Variants in AKAP19 observed in about 807,000 individuals in gnomAD.
AKAP19 encodes the protein A-kinase anchoring protein 19.
the AKAP19 span, chr2:190,057,112 CT>C: frequency 1.3e-6 from 1 of 779,430 alleles, no homozygotes. Context: ...TATATTCCCC[CT>C]TTTAGTTTAC....
chr2:189,994,330 T>C, the AKAP19 span, among the ~76,000 whole-genome samples: 3 of 151,794 alleles, frequency 2.0e-5, no homozygotes, highest in Non-Finnish European at 4.4e-5. Context: ...TGTTATTTCT[T>C]TTGTTCTGCT....
chr2:190,051,906 C>T, the AKAP19 span, among the ~76,000 whole-genome samples: 2 of 151,640 alleles, frequency 1.3e-5, no homozygotes, highest in Admixed American at 6.6e-5. Context: ...GGCGCAATCT[C>T]GGCTCACTGC....
the AKAP19 span, chr2:189,930,328 G>T: frequency 3.0e-6 from 2 of 656,436 alleles, no homozygotes; most frequent in Non-Finnish European, 4.6e-6. Flanking sequence ...GGCACGTGAA[G>T]GATCTCATCT....
the AKAP19 span, chr2:190,060,079 G>C: frequency 1.2e-6 from 2 of 1,612,206 alleles, no homozygotes; most frequent in Non-Finnish European, 1.7e-6. Context: ...TCTTCTCCTG[G>C]TCCTGGGAAG....
chr2:190,075,150 A>G, the AKAP19 span, among the ~76,000 whole-genome samples: 3 of 152,170 alleles, frequency 2.0e-5, no homozygotes, highest in African/African-American at 7.2e-5. Context: ...TTATTTTTTG[A>G]CCATACTTAT....
the AKAP19 span, among the ~76,000 whole-genome samples, chr2:190,135,961 T>C: frequency 6.6e-6 from 1 of 152,184 alleles, no homozygotes; most frequent in African/African-American, 2.4e-5. Context: ...AACAGTTTTA[T>C]GGGATAACTA....
the AKAP19 span, among the ~76,000 whole-genome samples, chr2:190,104,829 A>G: frequency 6.6e-6 from 1 of 152,148 alleles, no homozygotes; most frequent in Admixed American, 6.5e-5. Flanking sequence ...GTGAGAAAAG[A>G]ACATGAACAG....
the AKAP19 span, among the ~76,000 whole-genome samples, chr2:190,183,843 G>A: frequency 6.6e-6 from 1 of 151,772 alleles, no homozygotes; most frequent in Non-Finnish European, 1.5e-5. Flanking sequence ...TTCTCTCTTA[G>A]TGAGGTTTCC....
At chr2:190,028,508 A>T in the AKAP19 span, among the ~76,000 whole-genome samples, 1 of 152,142 alleles carries the variant, frequency 6.6e-6, no homozygotes, top group East Asian at 1.9e-4. Flanking sequence ...TGCATTTTAT[A>T]TCTCAGACAA....
At chr2:190,068,216 C>A in the AKAP19 span, among the ~76,000 whole-genome samples, 3 of 152,254 alleles carry the variant, frequency 2.0e-5, no homozygotes, top group Admixed American at 2.0e-4. Flanking sequence ...TAATCCCTAC[C>A]CTTCCATCCC....
the AKAP19 span, among the ~76,000 whole-genome samples, chr2:189,881,910 T>G: frequency 6.6e-6 from 1 of 152,236 alleles, no homozygotes; most frequent in Non-Finnish European, 1.5e-5. Flanking sequence ...CTGATTCACT[T>G]TATTAAACTT....
the AKAP19 span, among the ~76,000 whole-genome samples, chr2:190,144,586 T>A: frequency 6.6e-6 from 1 of 152,244 alleles, no homozygotes; most frequent in Non-Finnish European, 1.5e-5. Context: ...CTCCCAGTAT[T>A]TCTTTATGCA....
chr2:190,040,535 G>T, the AKAP19 span, among the ~76,000 whole-genome samples: 3 of 152,120 alleles, frequency 2.0e-5, no homozygotes, highest in African/African-American at 7.2e-5. Flanking sequence ...GATCCCACTT[G>T]TCAATTTTTG....
the AKAP19 span, among the ~76,000 whole-genome samples, chr2:189,983,535 T>C: frequency 6.6e-6 from 1 of 152,206 alleles, no homozygotes; most frequent in Non-Finnish European, 1.5e-5. Context: ...TGCAACAATA[T>C]GCAAGGAAAC....
At chr2:190,025,525 C>T in the AKAP19 span, among the ~76,000 whole-genome samples, 1 of 152,164 alleles carries the variant, frequency 6.6e-6, no homozygotes, top group African/African-American at 2.4e-5. Flanking sequence ...AAAGTTTCAT[C>T]ATCCTAAAAA....
chr2:190,130,208 CCTT>C, the AKAP19 span, among the ~76,000 whole-genome samples: 1 of 152,158 alleles, frequency 6.6e-6, no homozygotes, highest in Non-Finnish European at 1.5e-5. Context: ...TACTGAAATT[CCTT>C]CTCAGTTTCT....
chr2:189,988,749 A>G, the AKAP19 span, among the ~76,000 whole-genome samples: 3 of 152,076 alleles, frequency 2.0e-5, no homozygotes, highest in East Asian at 5.8e-4. Flanking sequence ...TATATAATCT[A>G]TTTCCCCCTC....
At chr2:190,010,988 C>T in the AKAP19 span, among the ~76,000 whole-genome samples, 1 of 150,316 alleles carries the variant, frequency 6.7e-6, no homozygotes, top group Non-Finnish European at 1.5e-5. Flanking sequence ...TTAACCCCTT[C>T]CCAGGTTATG....
At chr2:190,158,077 C>A in the AKAP19 span, among the ~76,000 whole-genome samples, 1 of 152,208 alleles carries the variant, frequency 6.6e-6, no homozygotes, top group East Asian at 1.9e-4. Context: ...ACTCCCTGCC[C>A]AGTTCTGTTT....
Sources: allele counts gnomAD v4.1 joint callset (sites outside exome capture counted in the v4.1 genomes callset), GRCh38; gene constraint gnomAD v4.1.1; transcripts MANE v1.5; gene names NCBI Gene and HGNC (gene_info 2026-07-23, HGNC 2026-07-21).